LDLRAD4: variants seen among roughly 807,000 people sequenced by gnomAD.
LDLRAD4 encodes low-density lipoprotein receptor class A domain-containing protein 4.
In LDLRAD4, 5 loss-of-function variants were observed where a neutral mutation model predicts 17.0. The ratio of observed to expected loss-of-function variants is 0.29; its 90% CI spans 0.15 to 0.62. The LOEUF is 0.62. Among genes scored for constraint, LDLRAD4 ranks in the 20% least tolerant of loss-of-function variants. LDLRAD4 has a pLI of 0.84. For missense variants in LDLRAD4, 340 were observed against 424.7 expected, an observed-to-expected ratio of 0.80 and a Z score of 1.75; for synonymous variants, 168 against 171.8, an observed-to-expected ratio of 0.98 and a Z score of 0.17.
intron 3 of LDLRAD4, chr18:13,521,337 T>C (rs1227411899): frequency 6.6e-6 from 1 of 152,236 alleles, no homozygotes; most frequent in Admixed American, 6.5e-5. Context: ...ATTTACATGA[T>C]TAGACTATTT....
At chr18:13,336,891 TA>T (rs2082129354) in intron 1 of LDLRAD4, among the ~76,000 whole-genome samples, 1 of 152,216 alleles carries the variant, frequency 6.6e-6, no homozygotes, top group Non-Finnish European at 1.5e-5. Context: ...AGCAACATTC[TA>T]GGGAGTATTC....
At chr18:13,233,873 C>T (rs1488579115) in intron 1 of LDLRAD4, among the ~76,000 whole-genome samples, 2 of 152,094 alleles carry the variant, frequency 1.3e-5, no homozygotes, top group Non-Finnish European at 2.9e-5. Flanking sequence ...AACTCTTACT[C>T]CCCCAGCTGC....
chr18:13,224,324 C>A (rs2041630760), intron 1 of LDLRAD4, among the ~76,000 whole-genome samples: 1 of 152,144 alleles, frequency 6.6e-6, no homozygotes, highest in Non-Finnish European at 1.5e-5. Context: ...CTGGGTGTAG[C>A]CTGGTGGAGT....
At chr18:13,510,150 G>A (rs1483697019) in intron 3 of LDLRAD4, among the ~76,000 whole-genome samples, 6 of 152,178 alleles carry the variant, frequency 3.9e-5, no homozygotes, top group African/African-American at 1.2e-4. Context: ...AATGTGAACC[G>A]TATTGTTCAG....
intron 1 of LDLRAD4, among the ~76,000 whole-genome samples, chr18:13,295,059 C>T (rs1208428384): frequency 1.3e-5 from 2 of 152,128 alleles, no homozygotes; most frequent in Non-Finnish European, 2.9e-5. Context: ...CTGAAAGAAG[C>T]AAATTGTGGA....
At chr18:13,417,966 C>T (rs1161192467) in intron 2 of LDLRAD4, among the ~76,000 whole-genome samples, 1 of 152,178 alleles carries the variant, frequency 6.6e-6, no homozygotes, top group Non-Finnish European at 1.5e-5. Flanking sequence ...CACCACTTAT[C>T]CACGGAGGAA....
At chr18:13,584,039 TGA>T (rs2094902607) in intron 3 of LDLRAD4, among the ~76,000 whole-genome samples, 1 of 152,102 alleles carries the variant, frequency 6.6e-6, no homozygotes, top group Non-Finnish European at 1.5e-5. Flanking sequence ...CCCATCTTGC[TGA>T]GAGTGCAGGT....
At chr18:13,243,971 C>A (rs1402233101) in intron 1 of LDLRAD4, among the ~76,000 whole-genome samples, 1 of 124,146 alleles carries the variant, frequency 8.1e-6, no homozygotes, top group Non-Finnish European at 1.7e-5. Context: ...ATTCATCCAT[C>A]CATCCACCCA....
intron 1 of LDLRAD4, among the ~76,000 whole-genome samples, chr18:13,359,021 C>T (rs915484260): frequency 6.6e-6 from 1 of 152,156 alleles, no homozygotes; most frequent in Non-Finnish European, 1.5e-5. Context: ...TAATATCAGG[C>T]GGCTGAAAAC....
intron 3 of LDLRAD4, among the ~76,000 whole-genome samples, chr18:13,601,781 A>C (rs1038125447): frequency 1.3e-5 from 2 of 152,244 alleles, no homozygotes; most frequent in African/African-American, 4.8e-5. Context: ...AAATAGAACT[A>C]CCATTCCACC....
chr18:13,411,869 G>A (rs1392090003), intron 2 of LDLRAD4, among the ~76,000 whole-genome samples: 1 of 152,182 alleles, frequency 6.6e-6, no homozygotes, highest in Non-Finnish European at 1.5e-5. Context: ...TTGAGACAGA[G>A]TCTTACTCTG....
rs191112216 is a variant in LDLRAD4, at chr18:13,308,219, C to T, written c.-383+30031C>T. The stretch of plus-strand genomic sequence containing the variant: ...AGCTTCCCTTTTTTCTTGTCCCACC[C>T]GCCGCCCCACACCTCTCCTCTGCCT... On this transcript the variant is annotated intron_variant, in intron 1 of 5. Transcript: ENST00000359446. 1.5e-4 allele frequency among the ~76,000 whole-genome samples: 23 copies of T among 152,284 alleles called. No individual in the cohort carries two copies. In the East Asian group the frequency reaches 2.5e-3, roughly 17 times the overall value.
chr18:13,377,760 C>T (rs2085032754), intron 1 of LDLRAD4, among the ~76,000 whole-genome samples: 1 of 152,192 alleles, frequency 6.6e-6, no homozygotes. Context: ...GCGAGCGTGA[C>T]CCGCCATTGA....
chr18:13,630,579 C>T (rs989922990), intron 4 of LDLRAD4, among the ~76,000 whole-genome samples: 2 of 152,122 alleles, frequency 1.3e-5, no homozygotes, highest in African/African-American at 4.8e-5. Flanking sequence ...GGAGGTTAGC[C>T]CTTGGGTAGA....
intron 3 of LDLRAD4, among the ~76,000 whole-genome samples, chr18:13,477,738 T>A (rs1217878238): frequency 6.6e-6 from 1 of 152,234 alleles, no homozygotes; most frequent in African/African-American, 2.4e-5. Flanking sequence ...CTCTCGCTCC[T>A]TTTGATGAGC....
chr18:13,523,047 C>T (rs985364172), intron 3 of LDLRAD4, among the ~76,000 whole-genome samples: 12 of 152,220 alleles, frequency 7.9e-5, no homozygotes, highest in African/African-American at 2.6e-4. Context: ...AGCCTGTGCC[C>T]GTGGAGGTCC....
chr18:13,575,102 G>A (rs1309125237), intron 3 of LDLRAD4, among the ~76,000 whole-genome samples: 4 of 152,252 alleles, frequency 2.6e-5, no homozygotes, highest in African/African-American at 9.6e-5. Context: ...GTAGGTTTTT[G>A]GGGAACAGAT....
chr18:13,605,447 G>A (rs1868869211), intron 3 of LDLRAD4, among the ~76,000 whole-genome samples: 2 of 152,172 alleles, frequency 1.3e-5, no homozygotes, highest in Admixed American at 1.3e-4. Flanking sequence ...CAAACTCCTG[G>A]CCTCAAGCAG....
At position 13,622,471 on chromosome 18, in the gene LDLRAD4, T is replaced by A. The variant is rs1318018107; in HGVS notation, c.336+1200T>A. Among the ~76,000 whole-genome samples the A allele has an allele frequency of 2.0e-5, 3 of 152,154 alleles. No individual in the cohort carries two copies. Among genetic ancestry groups the A allele is most frequent in the Non-Finnish European group, 4.4e-5 (3 of 68,002 alleles). On this transcript the variant is annotated intron_variant, in intron 4 of 5. Coordinates refer to ENST00000359446, the Ensembl canonical transcript of LDLRAD4. This position sits in a 1 kb window ranked among gnomAD's most constrained non-coding sequence, Gnocchi z 5.3. ...ACCCTTGACAGCCGTTTCCTCCTCT[T>A]GCCCCCTGCATCCTCTCTTGCCCCT...
Sources: allele counts gnomAD v4.1 joint callset (sites outside exome capture counted in the v4.1 genomes callset), GRCh38; gene constraint gnomAD v4.1.1; non-coding constraint Gnocchi (gnomAD v3.1); transcripts MANE v1.5; gene names NCBI Gene and HGNC (gene_info 2026-07-23, HGNC 2026-07-21).